Variants in GINS2 observed in about 807,000 individuals in gnomAD.
The protein encoded by GINS2 is GINS complex subunit 2, also known as DNA replication complex GINS protein PSF2.
Under a neutral mutation model 21.2 loss-of-function variants are expected in GINS2, and 23 were observed. That is an observed-to-expected ratio of 1.08 (90% CI 0.78 to 1.53). The LOEUF (loss-of-function observed/expected upper bound fraction) is 1.53. Among genes scored for constraint, GINS2 ranks in the 40% most tolerant of loss-of-function variants. The pLI is 0.00. For synonymous variants in GINS2, 118 were observed against 85.6 expected (o/e 1.38, Z -2.09); for missense variants, 323 against 233.9 (o/e 1.38, Z -2.49).
At position 85,687,501 on chromosome 16, in the gene GINS2, CTT is replaced by C. The variant is rs1394571807; in HGVS notation, c.162_163del (p.Arg55ThrfsTer23). On this transcript the variant is annotated frameshift_variant, in exon 2 of 5. Coordinates refer to ENST00000253462, the MANE Select transcript of GINS2 (RefSeq NM_016095.3). LOFTEE classifies it high-confidence loss of function. The stretch of plus-strand genomic sequence containing the variant: ...TGGAGGGAGCAGGCGACATTTCTGT[CTT>C]TGTTTCAGGTTAATCGCCAGCCACA... The C allele has an allele frequency of 6.3e-7, 1 of 1,597,092 alleles. No homozygotes were observed. Among genetic ancestry groups the C allele is most frequent in the Non-Finnish European group, 8.5e-7 (1 of 1,173,332 alleles).
chr16:85,679,640 C>A (rs2053715490), intron 3 of GINS2, among the ~76,000 whole-genome samples: 1 of 152,156 alleles, frequency 6.6e-6, no homozygotes, highest in Non-Finnish European at 1.5e-5. Flanking sequence ...AAATTAAGTC[C>A]CTTAACCGAA....
intron 3 of GINS2, among the ~76,000 whole-genome samples, chr16:85,681,102 C>T (rs916621786): frequency 6.6e-6 from 1 of 152,178 alleles, no homozygotes; most frequent in Non-Finnish European, 1.5e-5. Flanking sequence ...TTCCTGTAAC[C>T]CAAGGACAGA....
rs370921465 is a variant in GINS2, at chr16:85,678,302, G to A, written c.468C>T (p.Ser156=). Residue 156 remains serine, a synonymous_variant, in exon 5 of 5, where the codon AGC becomes AGT. Coordinates refer to ENST00000253462, the MANE Select transcript of GINS2 (RefSeq NM_016095.3). The stretch of plus-strand genomic sequence containing the variant: ...TGAGCGCTTGTGTGAGGAAAGTCCC[G>A]CTGGTGTTGATCTCCATCAAGGTCA... ...DNLTLMEINT[S]GTFLTQALNH... 2.9e-5 allele frequency: 46 copies of A among 1,612,900 alleles called. No homozygotes were observed. The highest frequency in any genetic ancestry group is 3.5e-5 in the Non-Finnish European group (41 of 1,179,020).
intron 2 of GINS2, 63 bp downstream of exon 2, chr16:85,687,397 G>A (rs1478116208): frequency 2.2e-6 from 2 of 929,736 alleles, no homozygotes; most frequent in Admixed American, 2.8e-5. Flanking sequence ...CACCCCGTGG[G>A]AGAGGGCGTC....
At position 85,685,680 on chromosome 16, in the gene GINS2, A is replaced by AAAAAAAAAAAAAC. The variant is rs2053769717; in HGVS notation, c.205+1779_205+1780insGTTTTTTTTTTTT. On this transcript the variant is annotated intron_variant, in intron 2 of 4. Transcript: ENST00000253462. The stretch of plus-strand genomic sequence containing the variant: ...AGCAAGACCCTTTCTCAAAAAAAAA[A>AAAAAAAAAAAAAC]AAAAAAAAAAACCGTCTCAAAGCAG... Among the ~76,000 whole-genome samples the AAAAAAAAAAAAAC allele has an allele frequency of 2.0e-5, 3 of 147,140 alleles. 1 individual carries two copies. Among genetic ancestry groups the AAAAAAAAAAAAAC allele is most frequent in the Admixed American group, 6.7e-5 (1 of 14,834 alleles).
intron 2 of GINS2, among the ~76,000 whole-genome samples, chr16:85,685,540 G>A (rs1293125126): frequency 6.6e-6 from 1 of 151,718 alleles, no homozygotes; most frequent in African/African-American, 2.4e-5. Flanking sequence ...GCATGATGGT[G>A]CACACCTGTA....
At chr16:85,688,268 C>A (rs1230486881) in intron 1 of GINS2, among the ~76,000 whole-genome samples, 1 of 151,876 alleles carries the variant, frequency 6.6e-6, no homozygotes, top group Admixed American at 6.6e-5. Context: ...AATAAATAAG[C>A]CGGGCGCAGT....
chr16:85,688,794 G>C lies in GINS2; in HGVS notation c.90+15C>G. The C allele has an allele frequency of 2.0e-6, 3 of 1,479,814 alleles. No homozygotes were observed. The highest frequency in any genetic ancestry group is 2.8e-5 in the East Asian group (1 of 35,804). The allele number at this position is 1,479,814 out of a possible 1,614,324, so 91.7% of individuals were successfully genotyped here. A position where few individuals can be genotyped will look rare whatever the true frequency, so the allele number is the denominator to read the frequency against. On this transcript the variant is annotated intron_variant, in intron 1 of 4. Transcript: ENST00000253462. ...CAGCCCGGCCTCCCCTCCCCACGGC[G>C]GGCCCAGGCCTCACCCCGATGAGGT...
At chr16:85,681,368 A>AAC (rs1348374118) in intron 3 of GINS2, among the ~76,000 whole-genome samples, 1 of 152,254 alleles carries the variant, frequency 6.6e-6, no homozygotes, top group Non-Finnish European at 1.5e-5. Context: ...AAAGGCAAAG[A>AAC]ACAGACAGAA....
rs1193992564 is a variant in GINS2, at chr16:85,677,207, A to G, written c.*1005T>C. ...TAAAGTTTTTTTTAAAGCTGATTAC[A>G]GAACCTTCTATCCATTGCATGATGC... On this transcript the variant is annotated 3_prime_UTR_variant, in exon 5 of 5. Transcript: ENST00000253462. 1 of 152,228 alleles carries G rather than the reference A, an allele frequency of 6.6e-6. No homozygotes were observed. Among genetic ancestry groups the G allele is most frequent in the Non-Finnish European group, 1.5e-5 (1 of 68,050 alleles). The allele number at this position is 152,228 out of a possible 1,614,324, so 9.4% of individuals were successfully genotyped here.
At chr16:85,678,768 A>G in intron 3 of GINS2, 102 bp from the exon 4 acceptor site, 1 of 1,120,066 alleles carries the variant, frequency 8.9e-7, no homozygotes, top group Non-Finnish European at 1.3e-6. Context: ...GCTATTCCAG[A>G]CTCAGAAAGT....
At chr16:85,681,374 C>A (rs114639099) in intron 3 of GINS2, among the ~76,000 whole-genome samples, 1 of 152,172 alleles carries the variant, frequency 6.6e-6, no homozygotes, top group African/African-American at 2.4e-5. Context: ...AAAGAACAGA[C>A]AGAAAGACAC....
At chr16:85,683,627 ATCCTGCTGCTGCT>A (rs1174187299) in intron 2 of GINS2, among the ~76,000 whole-genome samples, 1 of 152,162 alleles carries the variant, frequency 6.6e-6, no homozygotes, top group Admixed American at 6.6e-5. Context: ...CCTTCAGCCA[ATCCTGCTGCTGCT>A]TCCTTCAAAA....
chr16:85,678,899 C>A (rs2152050774), intron 3 of GINS2, among the ~76,000 whole-genome samples: 1 of 152,342 alleles, frequency 6.6e-6, no homozygotes, highest in South Asian at 2.1e-4. Context: ...GGCTGCTGAA[C>A]AGGACTGCTG....
In GINS2 at chr16:85,676,637, G is replaced by A. The variant is rs1435619604; in HGVS notation, c.*1575C>T. The A allele has an allele frequency of 6.6e-6, 1 of 152,264 alleles. No homozygotes were observed. Among genetic ancestry groups the A allele is most frequent in the Non-Finnish European group, 1.5e-5 (1 of 68,080 alleles). The allele number at this position is 152,264 out of a possible 1,614,324, so 9.4% of individuals were successfully genotyped here. ...TCTTTAGGCTCAGCCTGTCACACAT[G>A]CGCATTCTCAGAGCTCCCCAGACAG... is the stretch of plus-strand genomic sequence containing the variant. On this transcript the variant is annotated 3_prime_UTR_variant, in exon 5 of 5. Coordinates refer to ENST00000253462, the MANE Select transcript of GINS2 (RefSeq NM_016095.3).
Position 85,676,878 on chromosome 16 carries a change from G to C in GINS2, c.*1334C>G, listed in dbSNP as rs1474961443. The C allele has an allele frequency of 6.6e-6, 1 of 152,118 alleles. No individual in the cohort carries two copies. Among genetic ancestry groups the C allele is most frequent in the South Asian group, 2.1e-4 (1 of 4,812 alleles). 9.4% of individuals were successfully genotyped at this position (152,118 alleles called of 1,614,324 possible). A position where few individuals can be genotyped will look rare whatever the true frequency, so the allele number is the denominator to read the frequency against. ...TAAAAAAAAAGTTAAAATTTTTTTT[G>C]TTTGAGACAGAGTCTTGCTCTCGTT... On this transcript the variant is annotated 3_prime_UTR_variant, in exon 5 of 5. Transcript: ENST00000253462.
intron 2 of GINS2, among the ~76,000 whole-genome samples, chr16:85,685,422 T>G (rs1463454843): frequency 6.6e-6 from 1 of 151,410 alleles, no homozygotes; most frequent in Non-Finnish European, 1.5e-5. Flanking sequence ...ACATCTGTAA[T>G]CCCAGCACTC....
At chr16:85,687,761 CG>C (rs1567793752) in intron 1 of GINS2, 187 bp from the exon 2 acceptor site, 1 of 482,164 alleles carries the variant, frequency 2.1e-6, no homozygotes, top group African/African-American at 2.0e-5. Flanking sequence ...CACCTGCGAG[CG>C]TGGGGCTCAG....
At chr16:85,678,730 A>G (rs2053707921) in intron 3 of GINS2, 64 bp from the exon 4 acceptor site, 1 of 1,530,164 alleles carries the variant, frequency 6.5e-7, no homozygotes, top group African/African-American at 1.4e-5. Context: ...TGCTGGATAG[A>G]GTGGCTCTTT....
Sources: allele counts gnomAD v4.1 joint callset (sites outside exome capture counted in the v4.1 genomes callset), GRCh38; gene constraint gnomAD v4.1.1; transcripts MANE v1.5; gene names NCBI Gene and HGNC (gene_info 2026-07-23, HGNC 2026-07-21).